Variants in CTNND2 observed in about 807,000 individuals in gnomAD.
The protein encoded by CTNND2 is catenin delta 2.
A neutral mutation model predicts 144.4 loss-of-function variants in CTNND2; 22 were observed. That is an observed-to-expected ratio of 0.15 (90% confidence interval 0.11 to 0.22). The LOEUF (loss-of-function observed/expected upper bound fraction) is 0.22. Among genes scored for constraint, CTNND2 ranks in the 10% least tolerant of loss-of-function variants. CTNND2 has a pLI of 1.00. For synonymous variants in CTNND2, 751 were observed against 695.6 expected, an observed-to-expected ratio of 1.08 and a Z score of -1.25; for missense variants, 1,353 against 1,618.8, an observed-to-expected ratio of 0.84 and a Z score of 2.82.
At chr5:11,716,580 AGTT>A (rs1226754219) in intron 2 of CTNND2, among the ~76,000 whole-genome samples, 6 of 152,204 alleles carry the variant, frequency 3.9e-5, no homozygotes, top group South Asian at 2.1e-4. Flanking sequence ...AATTTCTAAC[AGTT>A]GTTATTTATT....
chr5:11,414,726 T>C (rs1184290314), intron 3 of CTNND2, among the ~76,000 whole-genome samples: 7 of 152,184 alleles, frequency 4.6e-5, no homozygotes, highest in Non-Finnish European at 7.3e-5. Context: ...CCAAGAGTTA[T>C]CTTTTCTGCT....
At chr5:11,314,538 C>T (rs1465635425) in intron 9 of CTNND2, among the ~76,000 whole-genome samples, 1 of 152,096 alleles carries the variant, frequency 6.6e-6, no homozygotes, top group African/African-American at 2.4e-5. Context: ...ATTATTATTA[C>T]TACTATTTGT....
intron 16 of CTNND2, among the ~76,000 whole-genome samples, chr5:11,049,441 A>T (rs1745608383): frequency 6.6e-6 from 1 of 152,250 alleles, no homozygotes; most frequent in African/African-American, 2.4e-5. Flanking sequence ...CACAGACAGT[A>T]CACTAACTTT....
intron 2 of CTNND2, among the ~76,000 whole-genome samples, chr5:11,629,819 A>T (rs2126462475): frequency 6.6e-6 from 1 of 152,170 alleles, no homozygotes; most frequent in East Asian, 1.9e-4. Context: ...ACAGGCATGA[A>T]CCACCACATC....
At chr5:11,067,143 C>T (rs1311413325) in intron 16 of CTNND2, among the ~76,000 whole-genome samples, 1 of 152,238 alleles carries the variant, frequency 6.6e-6, no homozygotes, top group African/African-American at 2.4e-5. Context: ...CACTGCCTCA[C>T]ATCCCCTCTA....
intron 20 of CTNND2, 24 bp from the exon 21 acceptor site, chr5:10,981,870 G>A (rs1202765338): frequency 6.3e-7 from 1 of 1,587,258 alleles, no homozygotes. Context: ...GAAAACAAAA[G>A]TTTAGCAAAG....
intron 3 of CTNND2, among the ~76,000 whole-genome samples, chr5:11,440,574 G>A (rs31830): frequency 0.15 from 22,748 of 152,202 alleles, 2,689 homozygotes; most frequent in African/African-American, 0.33. Context: ...GAAATACTGG[G>A]AAATAGTAGC....
chr5:11,756,641 CAT>C (rs1788954176), intron 1 of CTNND2, among the ~76,000 whole-genome samples: 1 of 26,150 alleles, frequency 3.8e-5, no homozygotes, highest in Non-Finnish European at 8.6e-5. Flanking sequence ...TATACACACA[CAT>C]ACATACACAC....
intron 10 of CTNND2, 74 bp downstream of exon 10, chr5:11,236,617 C>T (rs147807137): frequency 1.4e-6 from 2 of 1,474,402 alleles, no homozygotes; most frequent in Non-Finnish European, 1.9e-6. Context: ...TAATTCTTTT[C>T]CCCATCAACA....
At chr5:11,304,995 T>C (rs752596040) in intron 9 of CTNND2, among the ~76,000 whole-genome samples, 1 of 152,226 alleles carries the variant, frequency 6.6e-6, no homozygotes, top group East Asian at 1.9e-4. Flanking sequence ...ATCTCGGCAT[T>C]GCATCCACTG....
At chr5:11,066,879 C>T (rs1158843148) in intron 16 of CTNND2, among the ~76,000 whole-genome samples, 1 of 152,166 alleles carries the variant, frequency 6.6e-6, no homozygotes, top group Non-Finnish European at 1.5e-5. Flanking sequence ...CCTTGGGTCT[C>T]CCACTGTCTA....
At chr5:11,694,096 G>C (rs1041563337) in intron 2 of CTNND2, among the ~76,000 whole-genome samples, 3 of 152,140 alleles carry the variant, frequency 2.0e-5, no homozygotes, top group African/African-American at 7.2e-5. Context: ...TAACAAATCA[G>C]CATTACCATT....
chr5:11,351,807 T>C (rs1755364743), intron 8 of CTNND2, among the ~76,000 whole-genome samples: 1 of 152,184 alleles, frequency 6.6e-6, no homozygotes, highest in African/African-American at 2.4e-5. Flanking sequence ...ATTAAGCACA[T>C]TTACATGTTA....
At chr5:11,126,501 T>C (rs79655595) in intron 12 of CTNND2, among the ~76,000 whole-genome samples, 30,572 of 152,172 alleles carry the variant, frequency 0.2, 3,916 homozygotes, top group Middle Eastern at 0.34. Flanking sequence ...CAGCCAACCT[T>C]GACTGGGTGC....
At chr5:10,986,220 T>G (rs531014716) in intron 20 of CTNND2, among the ~76,000 whole-genome samples, 3 of 152,316 alleles carry the variant, frequency 2.0e-5, no homozygotes, top group African/African-American at 7.2e-5. Flanking sequence ...ATCAGAAACA[T>G]AGTAAATTTT....
chr5:11,825,891 A>T (rs1793576089), intron 1 of CTNND2, among the ~76,000 whole-genome samples: 1 of 152,124 alleles, frequency 6.6e-6, no homozygotes, highest in African/African-American at 2.4e-5. Context: ...TAGTGGAAAT[A>T]AACAATAAAA....
intron 1 of CTNND2, among the ~76,000 whole-genome samples, chr5:11,863,976 C>G (rs1474624913): frequency 6.6e-6 from 1 of 152,154 alleles, no homozygotes; most frequent in African/African-American, 2.4e-5. Flanking sequence ...AGCAGAACTC[C>G]ACGTTCTTTT....
At position 11,232,470 on chromosome 5, in the gene CTNND2, G is replaced by A. The variant is rs563557439; in HGVS notation, c.1761+4221C>T. Among the ~76,000 whole-genome samples, 4 of 152,354 alleles carry A rather than the reference G, an allele frequency of 2.6e-5. No individual in the cohort carries two copies. The South Asian group carries it at 6.2e-4, about 24-fold the overall frequency. ...GCGAGTGAGACATGAAGTCAAAGGA[G>A]ATCATTTTGGAACTTTAAGGATTAA... On this transcript the variant is annotated intron_variant, in intron 10 of 21. Coordinates refer to ENST00000304623, the MANE Select transcript of CTNND2 (RefSeq NM_001332.4).
At chr5:11,170,426 T>G (rs1229076002) in intron 11 of CTNND2, among the ~76,000 whole-genome samples, 1 of 152,262 alleles carries the variant, frequency 6.6e-6, no homozygotes, top group African/African-American at 2.4e-5. Flanking sequence ...TGTATCTTCA[T>G]ACAACATGAT....
Sources: allele counts gnomAD v4.1 joint callset (sites outside exome capture counted in the v4.1 genomes callset), GRCh38; gene constraint gnomAD v4.1.1; transcripts MANE v1.5; gene names NCBI Gene and HGNC (gene_info 2026-07-23, HGNC 2026-07-21).